Variants in RANBP9 observed in about 807,000 individuals in gnomAD.
RANBP9 encodes the protein ran-binding protein 9.
In RANBP9, 15 loss-of-function variants were observed where a neutral mutation model predicts 84.3. That is an observed-to-expected ratio of 0.18 (90% CI 0.12 to 0.27). RANBP9 has a LOEUF of 0.27. Among genes scored for constraint, RANBP9 ranks in the 10% least tolerant of loss-of-function variants. The pLI is 1.00. For synonymous variants in RANBP9, 392 were observed against 349.6 expected (o/e 1.12, Z -1.35); for missense variants, 809 against 912.8 (o/e 0.89, Z 1.46).
Position 13,711,657 on chromosome 6 carries a change from G to A in RANBP9, c.-152C>T, listed in dbSNP as rs1758292792. 3 of 607,442 alleles carry A rather than the reference G, an allele frequency of 4.9e-6. No individual in the cohort carries two copies. The highest frequency in any genetic ancestry group is 6.9e-6 in the Non-Finnish European group (3 of 437,220). 37.6% of individuals were successfully genotyped at this position (607,442 alleles called of 1,614,324 possible). ...GGGCCGCGCGCCCAGGGAGACCGCGGCGGTTGAGGAGCTCGGAGACGCGGG... is the reference window on the plus strand; with the variant it reads ...GGGCCGCGCGCCCAGGGAGACCGCGACGGTTGAGGAGCTCGGAGACGCGGG... On this transcript the variant is annotated 5_prime_UTR_variant, in exon 1 of 14. Transcript: ENST00000011619.
chr6:13,670,263 G>A (rs1408908412), intron 2 of RANBP9, among the ~76,000 whole-genome samples: 3 of 151,838 alleles, frequency 2.0e-5, no homozygotes, highest in Middle Eastern at 3.4e-3. Context: ...ACTGCACTCT[G>A]GCCTGGGTGA....
rs756590277 is a variant in RANBP9 at position 13,652,685 on chromosome 6, A to G, written c.905-4T>C. ...GGTAGGTCAGTGAAAGCAATACCTAAAAAGAAAAAAAAAAGTGGCATTAGA... is the reference window on the plus strand; with the variant it reads ...GGTAGGTCAGTGAAAGCAATACCTAGAAAGAAAAAAAAAAGTGGCATTAGA... On this transcript the variant is annotated splice_polypyrimidine_tract_variant and splice_region_variant and intron_variant, in intron 4 of 13. Coordinates refer to ENST00000011619, the MANE Select transcript of RANBP9 (RefSeq NM_005493.3). The G allele has an allele frequency of 6.3e-7, 1 of 1,595,248 alleles. No individual in the cohort carries two copies. The highest frequency in any genetic ancestry group is 8.6e-7 in the Non-Finnish European group (1 of 1,167,098).
intron 5 of RANBP9, 98 bp downstream of exon 5, chr6:13,652,561 A>G (rs1010646973): frequency 5.3e-5 from 62 of 1,160,662 alleles, no homozygotes; most frequent in Non-Finnish European, 7.2e-5. Flanking sequence ...ATAAATATCA[A>G]TAAGACTGTA....
chr6:13,650,580 C>G (rs1489609891), intron 5 of RANBP9, among the ~76,000 whole-genome samples: 1 of 152,144 alleles, frequency 6.6e-6, no homozygotes, highest in Admixed American at 6.5e-5. Context: ...ACTCTTGGGA[C>G]TGAGTTGCTT....
At chr6:13,625,822 A>G in intron 12 of RANBP9, 58 bp from the exon 13 acceptor site, 5 of 1,267,932 alleles carry the variant, frequency 3.9e-6, no homozygotes, top group Non-Finnish European at 4.6e-6. Context: ...TATGCTCACA[A>G]ATGTTTCCAA....
intron 5 of RANBP9, among the ~76,000 whole-genome samples, chr6:13,647,299 A>G (rs144364901): frequency 4.5e-4 from 69 of 152,294 alleles, no homozygotes; most frequent in African/African-American, 1.6e-3. Context: ...AACAAACATC[A>G]CTATTTTGTG....
chr6:13,634,403 TAAAAA>T, intron 11 of RANBP9, 23 bp downstream of exon 11: 1 of 1,602,792 alleles, frequency 6.2e-7, no homozygotes, highest in Admixed American at 1.7e-5. Context: ...CATTTTTTAT[TAAAAA>T]TGTAAGAAAT....
At chr6:13,691,592 A>T (rs139157575) in intron 2 of RANBP9, among the ~76,000 whole-genome samples, 41 of 152,304 alleles carry the variant, frequency 2.7e-4, no homozygotes, top group African/African-American at 8.9e-4. Context: ...TGCCAAGGAC[A>T]ATTTATTTTA....
rs1339978619 is a variant in RANBP9 at position 13,711,119 on chromosome 6, G to A, written c.387C>T (p.Ala129=). 2.6e-6 allele frequency: 4 copies of A among 1,549,582 alleles called. No individual in the cohort carries two copies. The highest frequency in any genetic ancestry group is 2.4e-5 in the South Asian group (2 of 84,720). The change falls in exon 1 of 14, where the codon GCC becomes GCT. Residue 129 remains alanine, a synonymous_variant. Transcript: ENST00000011619. Reference sequence around the variant, plus strand: ...AGTCCCCGTGAGGGAAGGGGGCCGCGGCGCTGCTGCCCGCCACCAGAGCTG... The same window carrying A: ...AGTCCCCGTGAGGGAAGGGGGCCGCAGCGCTGCTGCCCGCCACCAGAGCTG... ...PTPALVAGSS[A]AAPFPHGDSA... is the part of the protein sequence containing the mutation.
rs146721168 is a variant in RANBP9 at position 13,630,116 on chromosome 6, T to C, written c.1947+2254A>G. On this transcript the variant is annotated intron_variant, in intron 12 of 13. Transcript: ENST00000011619. ...CCCTCAAATCATCCGGCCTTGTTCT[T>C]TGGCTACTTATATATAAGGTGGGTC... Among the ~76,000 whole-genome samples the C allele has an allele frequency of 3.6e-3, 545 of 152,274 alleles. 1 individual carries two copies. Among genetic ancestry groups the C allele is most frequent in the African/African-American group, 0.012 (507 of 41,550 alleles).
chr6:13,653,890 T>C (rs556549518), intron 4 of RANBP9, among the ~76,000 whole-genome samples: 1 of 152,172 alleles, frequency 6.6e-6, no homozygotes, highest in Non-Finnish European at 1.5e-5. Flanking sequence ...ACTTCATTAA[T>C]AACACAGAAA....
At chr6:13,682,647 C>T (rs1037536771) in intron 2 of RANBP9, among the ~76,000 whole-genome samples, 6 of 152,116 alleles carry the variant, frequency 3.9e-5, no homozygotes, top group Middle Eastern at 3.4e-3. Context: ...GACAGGGTTT[C>T]GCCATGTTGG....
chr6:13,626,439 C>G (rs184370506), intron 12 of RANBP9, among the ~76,000 whole-genome samples: 232 of 152,282 alleles, frequency 1.5e-3, no homozygotes, highest in African/African-American at 5.3e-3. Flanking sequence ...GGCTGTGTAG[C>G]CTTTGGCAAT....
At chr6:13,709,852 TAC>T (rs1312271171) in intron 1 of RANBP9, among the ~76,000 whole-genome samples, 1 of 152,224 alleles carries the variant, frequency 6.6e-6, no homozygotes, top group East Asian at 1.9e-4. Context: ...TTATCTCCTC[TAC>T]ATACATGTCA....
At chr6:13,655,798 A>G (rs536525063) in intron 4 of RANBP9, among the ~76,000 whole-genome samples, 1 of 152,234 alleles carries the variant, frequency 6.6e-6, no homozygotes, top group Non-Finnish European at 1.5e-5. Context: ...CAACATCTTA[A>G]GCAGTCAAGC....
intron 11 of RANBP9, 80 bp downstream of exon 11, chr6:13,634,351 A>C: frequency 6.7e-7 from 1 of 1,493,644 alleles, no homozygotes; most frequent in Non-Finnish European, 9.1e-7. Flanking sequence ...TATGCTCATC[A>C]GCTGTGAATC....
At chr6:13,651,538 G>A (rs997610669) in intron 5 of RANBP9, among the ~76,000 whole-genome samples, 4 of 151,850 alleles carry the variant, frequency 2.6e-5, no homozygotes, top group Admixed American at 1.3e-4. Context: ...GGGACTACAG[G>A]CGCCCACCAC....
chr6:13,648,132 A>G (rs1765212853), intron 5 of RANBP9, among the ~76,000 whole-genome samples: 1 of 136,434 alleles, frequency 7.3e-6, no homozygotes, highest in Non-Finnish European at 1.6e-5. Flanking sequence ...ATGTGATCTT[A>G]TATGACTGGT....
At chr6:13,689,521 G>A (rs1053947889) in intron 2 of RANBP9, among the ~76,000 whole-genome samples, 23 of 151,980 alleles carry the variant, frequency 1.5e-4, no homozygotes, top group Non-Finnish European at 2.5e-4. Flanking sequence ...TGATCCACCC[G>A]CTTCGGGCTC....
Sources: allele counts gnomAD v4.1 joint callset (sites outside exome capture counted in the v4.1 genomes callset), GRCh38; gene constraint gnomAD v4.1.1; transcripts MANE v1.5; gene names NCBI Gene and HGNC (gene_info 2026-07-23, HGNC 2026-07-21).